Variants in DPP10 observed in about 807,000 individuals in gnomAD.
DPP10 encodes dipeptidyl peptidase like 10.
A neutral mutation model predicts 120.9 loss-of-function variants in DPP10; 33 were observed. That is an observed-to-expected ratio of 0.27 (90% CI 0.21 to 0.37). The LOEUF is 0.37. DPP10 is among the 10% of genes least tolerant of loss of function. The pLI, the probability that DPP10 is intolerant of heterozygous loss-of-function variation, is 1.00. For synonymous variants in DPP10, 337 were observed against 326.1 expected, an observed-to-expected ratio of 1.03 and a Z score of -0.36; for missense variants, 816 against 942.8, an observed-to-expected ratio of 0.87 and a Z score of 1.76.
chr2:115,071,471 C>G (rs1174923756), intron 1 of DPP10, among the ~76,000 whole-genome samples: 1 of 152,138 alleles, frequency 6.6e-6, no homozygotes, highest in African/African-American at 2.4e-5. Context: ...CCCTCTCACC[C>G]AAGCAACATT....
chr2:114,685,223 T>A (rs966970322), intron 1 of DPP10, among the ~76,000 whole-genome samples: 48 of 151,932 alleles, frequency 3.2e-4, no homozygotes, highest in African/African-American at 1.1e-3. Flanking sequence ...AACTCACTCC[T>A]TCCAACTTGT....
chr2:115,383,364 C>A (rs2066574115), intron 3 of DPP10, among the ~76,000 whole-genome samples: 1 of 152,200 alleles, frequency 6.6e-6, no homozygotes, highest in Non-Finnish European at 1.5e-5. Flanking sequence ...GTGAGACATG[C>A]CTTTCACTTT....
intron 3 of DPP10, among the ~76,000 whole-genome samples, chr2:115,356,333 T>G (rs1392536977): frequency 6.6e-6 from 1 of 152,036 alleles, no homozygotes; most frequent in Non-Finnish European, 1.5e-5. Context: ...AATGGGAGTT[T>G]ATTCATGATT....
chr2:115,221,781 T>A (rs1485178658), intron 1 of DPP10, among the ~76,000 whole-genome samples: 1 of 110,708 alleles, frequency 9.0e-6, no homozygotes, highest in Non-Finnish European at 1.8e-5. Flanking sequence ...TTTTTTTTTC[T>A]ATGAGCTAAG....
intron 1 of DPP10, among the ~76,000 whole-genome samples, chr2:115,236,970 A>AT (rs2058036686): frequency 6.6e-6 from 1 of 152,206 alleles, no homozygotes; most frequent in African/African-American, 2.4e-5. Context: ...AAAGATTACA[A>AT]TGTTGAAAAT....
At chr2:114,738,503 T>G (rs966111443) in intron 1 of DPP10, among the ~76,000 whole-genome samples, 1 of 152,096 alleles carries the variant, frequency 6.6e-6, no homozygotes, top group Admixed American at 6.5e-5. Flanking sequence ...AAATAAAGCC[T>G]GGGACACAGA....
rs1431477284 is a variant in DPP10, at chr2:114,838,186, T to G, written c.60+395348T>G. Reference sequence around the variant, plus strand: ...ATCCATTGCCCTCAATCCAGTCACATGCATCCTAACCTCAAGGAAAACTGG... The same window carrying G: ...ATCCATTGCCCTCAATCCAGTCACAGGCATCCTAACCTCAAGGAAAACTGG... On this transcript the variant is annotated intron_variant, in intron 1 of 25. Coordinates refer to ENST00000410059, the MANE Select transcript of DPP10 (RefSeq NM_020868.6). 2.6e-5 allele frequency among the ~76,000 whole-genome samples: 4 copies of G among 152,326 alleles called. No individual in the cohort carries two copies. The East Asian group carries it at 7.7e-4, about 29-fold the overall frequency.
intron 1 of DPP10, among the ~76,000 whole-genome samples, chr2:114,516,842 C>T (rs1684633842): frequency 6.6e-6 from 1 of 152,174 alleles, no homozygotes. Context: ...GTTTTATGAA[C>T]CGAACTACTG....
At chr2:114,808,848 A>T (rs954099866) in intron 1 of DPP10, among the ~76,000 whole-genome samples, 1 of 152,056 alleles carries the variant, frequency 6.6e-6, no homozygotes, top group East Asian at 1.9e-4. Flanking sequence ...TATAAAATGC[A>T]TTCCACTCCC....
intron 1 of DPP10, among the ~76,000 whole-genome samples, chr2:114,690,237 T>G (rs1699645992): frequency 6.6e-6 from 1 of 152,132 alleles, no homozygotes; most frequent in South Asian, 2.1e-4. Context: ...AAGTCTTTTG[T>G]ATGTCTTGAG....
chr2:115,228,397 GA>G (rs2057552169), intron 1 of DPP10, among the ~76,000 whole-genome samples: 1 of 151,830 alleles, frequency 6.6e-6, no homozygotes, highest in Non-Finnish European at 1.5e-5. Context: ...TTAAAATATA[GA>G]ATAGATTATT....
chr2:115,204,051 C>G (rs150105557), intron 1 of DPP10, among the ~76,000 whole-genome samples: 44 of 152,242 alleles, frequency 2.9e-4, no homozygotes, highest in African/African-American at 9.9e-4. Flanking sequence ...CCCTCACGTT[C>G]TATGAATTTT....
At chr2:115,098,492 T>G (rs778978383) in intron 1 of DPP10, among the ~76,000 whole-genome samples, 3 of 152,126 alleles carry the variant, frequency 2.0e-5, no homozygotes, top group Admixed American at 1.3e-4. Context: ...CTACTGCTCC[T>G]GGGCTACAAA....
At chr2:114,722,853 T>A (rs1157166160) in intron 1 of DPP10, among the ~76,000 whole-genome samples, 7 of 149,958 alleles carry the variant, frequency 4.7e-5, no homozygotes, top group African/African-American at 1.2e-4. Context: ...TTACTAGGTA[T>A]GGTGGTGTGT....
At chr2:115,237,640 G>A (rs1171314324) in intron 1 of DPP10, among the ~76,000 whole-genome samples, 1 of 152,160 alleles carries the variant, frequency 6.6e-6, no homozygotes, top group African/African-American at 2.4e-5. Flanking sequence ...GAATGCAAAG[G>A]AAAACTTCTT....
chr2:114,593,054 T>G (rs2105172115), intron 1 of DPP10, among the ~76,000 whole-genome samples: 1 of 152,348 alleles, frequency 6.6e-6, no homozygotes, highest in Middle Eastern at 3.4e-3. Context: ...GCTTTTTCTC[T>G]CATGTTTCTT....
intron 21 of DPP10, among the ~76,000 whole-genome samples, chr2:115,834,210 G>A (rs557289447): frequency 5.8e-4 from 89 of 152,164 alleles, no homozygotes; most frequent in African/African-American, 2.1e-3. Context: ...GAACTTTTAT[G>A]TACCAATTTT....
At chr2:114,682,762 ATCTG>A (rs1242052930) in intron 1 of DPP10, among the ~76,000 whole-genome samples, 42 of 144,888 alleles carry the variant, frequency 2.9e-4, no homozygotes, top group Admixed American at 6.8e-4. Flanking sequence ...CTATCTATCT[ATCTG>A]TCTGTCTATC....
At chr2:115,835,230 T>C (rs1689354680) in intron 21 of DPP10, among the ~76,000 whole-genome samples, 1 of 152,068 alleles carries the variant, frequency 6.6e-6, no homozygotes, top group Non-Finnish European at 1.5e-5. Flanking sequence ...GGCAGATCTC[T>C]AGAGTAGATC....
Sources: allele counts gnomAD v4.1 joint callset (sites outside exome capture counted in the v4.1 genomes callset), GRCh38; gene constraint gnomAD v4.1.1; transcripts MANE v1.5; gene names NCBI Gene and HGNC (gene_info 2026-07-23, HGNC 2026-07-21).